The following NAV2 variants were observed in gnomAD, a reference collection of about 807,000 sequenced individuals.
NAV2 encodes the protein helicase, APC down-regulated 1.
A neutral mutation model predicts 223.2 loss-of-function variants in NAV2; 54 were observed. The observed-to-expected ratio is 0.24, with a 90% CI of 0.19 to 0.30. The LOEUF is 0.30. NAV2 is among the 10% of genes least tolerant of loss of function. The pLI is 1.00. For missense variants in NAV2, 2,806 were observed against 3,147.5 expected (o/e 0.89, Z 2.60); for synonymous variants, 1,279 against 1,239.3 (o/e 1.03, Z -0.67).
At position 20,101,098 on chromosome 11, in the gene NAV2, A is replaced by G. The variant is rs149137419; in HGVS notation, c.6343A>G (p.Ile2115Val). The stretch of plus-strand genomic sequence containing the variant: ...CCTGGCCAACCGGCTGTCTGAGTAT[A>G]TAGTGCTTCGAGAGGGACGGGAGTT... ...TYLANRLSEY[I>V]VLREGRELTD... Residue 2115 changes from isoleucine (I) to valine (V), a missense_variant, in exon 32 of 38, where the codon ATA becomes GTA. By Grantham distance (29) the Ile-to-Val change is conservative. This residue lies in a region of NAV2 where 824 missense variants were observed against 1,069.4 expected (regional missense o/e 0.77). Coordinates refer to ENST00000349880, the MANE Select transcript of NAV2 (RefSeq NM_145117.5). The G allele has an allele frequency of 7.4e-5, 119 of 1,614,010 alleles. 2 individuals carry two copies. In the African/African-American group the frequency reaches 1.2e-3, roughly 16 times the overall value.
Position 19,361,407 on chromosome 11 carries a change from T to C in NAV2, c.75+10380T>C, listed in dbSNP as rs377507391. On this transcript the variant is annotated intron_variant, in intron 1 of 37. Transcript: ENST00000360655. ...ATGACTGGGTGTCACATCTTATCCTTGGGTATCAGTTTGCTCCTGGACTGG... is the reference window on the plus strand; with the variant it reads ...ATGACTGGGTGTCACATCTTATCCTCGGGTATCAGTTTGCTCCTGGACTGG... Among the ~76,000 whole-genome samples the C allele has an allele frequency of 2.9e-3, 442 of 152,166 alleles. 3 individuals carry two copies. The highest frequency in any genetic ancestry group is 8.7e-3 in the African/African-American group (360 of 41,536).
intron 1 of NAV2, among the ~76,000 whole-genome samples, chr11:19,771,709 T>G (rs558761431): frequency 6.6e-6 from 1 of 151,346 alleles, no homozygotes; most frequent in East Asian, 1.9e-4. Flanking sequence ...AATGGGGAGA[T>G]CCCTTTACAT....
At chr11:19,738,202 G>T (rs974368475) in intron 1 of NAV2, among the ~76,000 whole-genome samples, 2 of 152,240 alleles carry the variant, frequency 1.3e-5, no homozygotes, top group Non-Finnish European at 2.9e-5. Flanking sequence ...TCTGCAGAGA[G>T]TTCCCTCAGG....
chr11:19,852,909 T>A (rs949503496), intron 3 of NAV2, among the ~76,000 whole-genome samples: 1 of 152,198 alleles, frequency 6.6e-6, no homozygotes, highest in Non-Finnish European at 1.5e-5. Flanking sequence ...GCGCACTGTG[T>A]AAGTTTAAGT....
chr11:19,758,585 C>A (rs1368869911), intron 1 of NAV2, among the ~76,000 whole-genome samples: 1 of 152,178 alleles, frequency 6.6e-6, no homozygotes, highest in Non-Finnish European at 1.5e-5. Context: ...AGGACAGGCC[C>A]AGGTGACTCA....
rs571223368 is a variant in NAV2 at position 20,100,795 on chromosome 11, G to T, written c.6182-142G>T. 3.5e-5 allele frequency: 23 copies of T among 659,406 alleles called. 1 individual carries two copies. The South Asian group carries it at 4.0e-4, about 12-fold the overall frequency. 40.8% of individuals were successfully genotyped at this position (659,406 alleles called of 1,614,324 possible). On this transcript the variant is annotated intron_variant, in intron 31 of 37. Transcript: ENST00000349880. ...CAGCACTTTGCTCTCAGCCTCCAGT[G>T]TTCCTGGGTGTGCAGGAGTCTCAGG...
At chr11:19,924,837 T>A (rs2044598659) in intron 6 of NAV2, among the ~76,000 whole-genome samples, 1 of 152,208 alleles carries the variant, frequency 6.6e-6, no homozygotes, top group Non-Finnish European at 1.5e-5. Context: ...ATAGTTTTTG[T>A]TTGTTTATTG....
At chr11:19,920,158 T>C (rs2044159675) in intron 6 of NAV2, among the ~76,000 whole-genome samples, 1 of 152,182 alleles carries the variant, frequency 6.6e-6, no homozygotes, top group South Asian at 2.1e-4. Flanking sequence ...GCATGGACTT[T>C]ATTGTTCAAA....
rs765946780 is a variant in NAV2, at chr11:19,509,421, G to A, written c.75+158394G>A. 5.7e-4 allele frequency among the ~76,000 whole-genome samples: 87 copies of A among 152,166 alleles called. 5 individuals are homozygous for A. The highest frequency in any genetic ancestry group is 1.6e-4 in the Non-Finnish European group (11 of 68,032). On this transcript the variant is annotated intron_variant, in intron 1 of 37. Transcript: ENST00000360655. ...ATTACATTATGGAGTTTGAGCAAGG[G>A]TGTGTGTGTCCTGTGCACCCAGGGA...
chr11:19,723,528 C>G (rs963524079), intron 1 of NAV2, among the ~76,000 whole-genome samples: 6 of 152,222 alleles, frequency 3.9e-5, no homozygotes, highest in Non-Finnish European at 8.8e-5. Context: ...CCAGACCCTC[C>G]TCTTCTTGGA....
At chr11:19,666,184 G>A (rs916064624) in intron 1 of NAV2, among the ~76,000 whole-genome samples, 15 of 152,156 alleles carry the variant, frequency 9.9e-5, no homozygotes, top group Non-Finnish European at 1.6e-4. Context: ...TTAAAATCAC[G>A]TGCTCTTCTC....
chr11:20,100,597 A>G (rs1431319587), intron 31 of NAV2, among the ~76,000 whole-genome samples: 3 of 146,186 alleles, frequency 2.1e-5, no homozygotes, highest in Non-Finnish European at 3.0e-5. Flanking sequence ...GTGTGTAGTA[A>G]GTATAGTAAA....
At chr11:20,060,307 A>G (rs2058621675) in intron 19 of NAV2, among the ~76,000 whole-genome samples, 1 of 152,246 alleles carries the variant, frequency 6.6e-6, no homozygotes. Flanking sequence ...CTTGGCCTCC[A>G]ACATAATTCC....
chr11:20,054,296 C>A, intron 18 of NAV2, 56 bp downstream of exon 18: 1 of 1,475,008 alleles, frequency 6.8e-7, no homozygotes. Context: ...CAGTGGTTAT[C>A]TTATATACAT....
At chr11:19,842,283 G>A (rs772500797) in intron 2 of NAV2, among the ~76,000 whole-genome samples, 1 of 152,122 alleles carries the variant, frequency 6.6e-6, no homozygotes, top group East Asian at 1.9e-4. Flanking sequence ...ACACACATAT[G>A]TGTGTCCCTT....
At chr11:19,432,884 T>C (rs1851085090) in intron 1 of NAV2, among the ~76,000 whole-genome samples, 1 of 152,178 alleles carries the variant, frequency 6.6e-6, no homozygotes, top group Admixed American at 6.5e-5. Flanking sequence ...AGGCAATTCT[T>C]ACTTTTCAAA....
intron 1 of NAV2, among the ~76,000 whole-genome samples, chr11:19,489,876 C>CTTT (rs2042567272): frequency 1.3e-5 from 2 of 152,308 alleles, no homozygotes; most frequent in East Asian, 3.9e-4. Context: ...CTTTATTCCA[C>CTTT]AGTCCCAGAA....
chr11:19,758,160 T>C (rs1300353643), intron 1 of NAV2, among the ~76,000 whole-genome samples: 1 of 152,232 alleles, frequency 6.6e-6, no homozygotes, highest in Non-Finnish European at 1.5e-5. Flanking sequence ...ATTGAGCACC[T>C]ACATCTCTAT....
intron 1 of NAV2, among the ~76,000 whole-genome samples, chr11:19,759,049 T>C (rs2054494952): frequency 6.6e-6 from 1 of 151,160 alleles, no homozygotes; most frequent in Non-Finnish European, 1.5e-5. Context: ...TTCTGTGCAA[T>C]TGATCAGAAT....
Sources: gnomAD v4.1 joint callset for allele counts (sites outside exome capture counted in the v4.1 genomes callset) on GRCh38, gnomAD v4.1.1 for gene constraint, gnomAD v4.1.1 regional missense constraint, MANE v1.5 for transcripts, NCBI Gene and HGNC (gene_info 2026-07-23, HGNC 2026-07-21) for gene names.